Variants in PCDH11X observed in about 807,000 individuals in gnomAD.
PCDH11X encodes the protein protocadherin-11 X-linked.
PCDH11X carries 18 observed loss-of-function variants against 53.3 expected under a neutral mutation model. The observed-to-expected ratio is 0.34, with a 90% confidence interval of 0.23 to 0.50. The LOEUF is 0.50. Ranked by LOEUF, PCDH11X falls within the 20% of genes least tolerant of loss-of-function variation. The pLI is 0.98. For synonymous variants in PCDH11X, 279 were observed against 393.3 expected (o/e 0.71, Z 3.44); for missense variants, 570 against 1,032.4 (o/e 0.55, Z 6.14).
chrX:92,220,209 A>C (rs1167793127), intron 7 of PCDH11X, among the ~76,000 whole-genome samples: 4 of 49,967 alleles, frequency 8.0e-5, no homozygotes, highest in African/African-American at 2.0e-4. Flanking sequence ...GGATCTAATT[A>C]AACTAAAGAG....
At chrX:92,129,228 C>T (rs2064927161) in intron 6 of PCDH11X, among the ~76,000 whole-genome samples, 1 of 109,784 alleles carries the variant, frequency 9.1e-6, no homozygotes, top group Non-Finnish European at 1.9e-5. Flanking sequence ...CCTGTCTCTA[C>T]TAAAAATACA....
intron 6 of PCDH11X, among the ~76,000 whole-genome samples, chrX:92,054,820 C>CAA (rs1174448342): frequency 0.041 from 1,007 of 24,682 alleles, 47 homozygotes; most frequent in African/African-American, 0.093. Flanking sequence ...AACTCTGTCT[C>CAA]AAAAAAAAAA....
intron 7 of PCDH11X, among the ~76,000 whole-genome samples, chrX:92,246,396 A>T (rs1472068879): frequency 9.0e-6 from 1 of 111,440 alleles, no homozygotes; most frequent in African/African-American, 3.3e-5. Context: ...TCTATCGCCC[A>T]GGCTGGAGTG....
intron 6 of PCDH11X, among the ~76,000 whole-genome samples, chrX:91,901,000 G>A (rs1602458098): frequency 1.8e-5 from 2 of 111,101 alleles, no homozygotes; most frequent in Non-Finnish European, 1.9e-5. Context: ...AGGCACACCG[G>A]GGCCTCAGGA....
rs1569388349 is a variant in PCDH11X, at chrX:92,147,855, T to TCTTTCTTTCTTTC, written c.3034-53520_3034-53519insCTTTCTTTCTTTC. 7.2e-3 allele frequency among the ~76,000 whole-genome samples: 160 copies of TCTTTCTTTCTTTC among 22,367 alleles called. 3 individuals are homozygous for TCTTTCTTTCTTTC. The highest frequency in any genetic ancestry group is 0.012 in the African/African-American group (158 of 12,814). 19.4% of individuals were successfully genotyped at this position (22,367 alleles called of 115,157 possible). ...TCTTTCTTTCTTTCTTTCTTTCTTTTTTCTTTTCTCTCTTTCCTTTCTTTC... is the reference window on the plus strand; with the variant it reads ...TCTTTCTTTCTTTCTTTCTTTCTTTTCTTTCTTTCTTTCTTCTTTTCTCTCTTTCCTTTCTTTC... On this transcript the variant is annotated intron_variant, in intron 6 of 10. Transcript: ENST00000682573.
chrX:92,560,719 G>T (rs1164550562), intron 10 of PCDH11X, among the ~76,000 whole-genome samples: 1 of 106,875 alleles, frequency 9.4e-6, no homozygotes, highest in Non-Finnish European at 1.9e-5. Flanking sequence ...GGGGATGGAA[G>T]ATGTAGAAGG....
At chrX:92,312,872 A>G (rs1569461968) in intron 8 of PCDH11X, among the ~76,000 whole-genome samples, 1 of 111,350 alleles carries the variant, frequency 9.0e-6, no homozygotes, top group Non-Finnish European at 1.9e-5. Context: ...CGGAAGGCCT[A>G]AAATAACTAA....
intron 8 of PCDH11X, among the ~76,000 whole-genome samples, chrX:92,332,877 C>T (rs1157188614): frequency 9.0e-6 from 1 of 111,717 alleles, no homozygotes; most frequent in African/African-American, 3.3e-5. Context: ...GCTAGCTTAT[C>T]CTGATGCATA....
intron 6 of PCDH11X, among the ~76,000 whole-genome samples, chrX:91,977,316 C>T: frequency 9.0e-6 from 1 of 111,679 alleles, no homozygotes; most frequent in Non-Finnish European, 1.9e-5. Flanking sequence ...TTAATTCAGC[C>T]ACCGTCAGCC....
chrX:92,156,181 A>G (rs186057457), intron 6 of PCDH11X, among the ~76,000 whole-genome samples: 109 of 106,370 alleles, frequency 1.0e-3, no homozygotes, highest in Non-Finnish European at 2.5e-4. Flanking sequence ...CAACAAGTAC[A>G]CTCTTAAGAG....
chrX:92,467,614 G>T (rs1214607553), intron 9 of PCDH11X, among the ~76,000 whole-genome samples: 3 of 111,021 alleles, frequency 2.7e-5, no homozygotes, highest in African/African-American at 9.8e-5. Context: ...GGTCAAGCAT[G>T]ATTTCACAGT....
At chrX:92,104,004 G>C (rs2064320282) in intron 6 of PCDH11X, among the ~76,000 whole-genome samples, 1 of 111,351 alleles carries the variant, frequency 9.0e-6, no homozygotes, top group African/African-American at 3.3e-5. Context: ...GTGTCTCAGG[G>C]TTGCTGCCAA....
chrX:92,103,758 G>T (rs1173331907), intron 6 of PCDH11X, among the ~76,000 whole-genome samples: 1 of 112,189 alleles, frequency 8.9e-6, no homozygotes, highest in South Asian at 3.7e-4. Flanking sequence ...CAGGCGTTTG[G>T]AAGTTCTTGT....
chrX:92,403,038 G>A (rs2071419473), intron 9 of PCDH11X, among the ~76,000 whole-genome samples: 2 of 107,983 alleles, frequency 1.9e-5, no homozygotes, highest in South Asian at 8.1e-4. Flanking sequence ...GATGAATAGT[G>A]CATTTAAATT....
At chrX:91,980,983 TATATATATATATACACTGA>T (rs1458100549) in intron 6 of PCDH11X, among the ~76,000 whole-genome samples, 31 of 100,919 alleles carry the variant, frequency 3.1e-4, no homozygotes, top group Admixed American at 3.1e-3. Context: ...ACACTGAATA[TATATATATATATACACTGA>T]ATATATATAT....
intron 7 of PCDH11X, among the ~76,000 whole-genome samples, chrX:92,238,549 A>G (rs1296596050): frequency 9.0e-6 from 1 of 111,097 alleles, no homozygotes; most frequent in East Asian, 2.8e-4. Context: ...ATGAGATAAT[A>G]TAGGTAACAC....
chrX:92,558,525 G>GA (rs1162899859), intron 10 of PCDH11X, among the ~76,000 whole-genome samples: 1 of 110,855 alleles, frequency 9.0e-6, no homozygotes, highest in Non-Finnish European at 1.9e-5. Context: ...ATGGAAACAA[G>GA]AAAAAAAATA....
At chrX:91,801,978 G>A (rs1490013257) in intron 1 of PCDH11X, among the ~76,000 whole-genome samples, 5 of 113,357 alleles carry the variant, frequency 4.4e-5, no homozygotes, top group Admixed American at 2.8e-4. Context: ...AATTGGTCTC[G>A]AGAGAAAATG....
At position 92,134,270 on chromosome X, in the gene PCDH11X, G is replaced by GT. The variant is rs1352035514; in HGVS notation, c.3034-67097dup. On this transcript the variant is annotated intron_variant, in intron 6 of 10. Transcript: ENST00000682573. The stretch of plus-strand genomic sequence containing the variant: ...GGGCAAATTGTGAGGGAGGTATGTC[G>GT]TTTTTTTTGTTTGTTTGTTTGTTTT... Among the ~76,000 whole-genome samples the GT allele has an allele frequency of 3.5e-4, 39 of 109,915 alleles. No homozygotes were observed. The South Asian group carries it at 0.011, about 31-fold the overall frequency.
Sources: gnomAD v4.1 joint callset for allele counts (sites outside exome capture counted in the v4.1 genomes callset) on GRCh38, gnomAD v4.1.1 for gene constraint, MANE v1.5 for transcripts, NCBI Gene and HGNC (gene_info 2026-07-23, HGNC 2026-07-21) for gene names.